The following FARP1 variants were observed in gnomAD, a reference collection of about 807,000 sequenced individuals.
The protein encoded by FARP1 is FERM, ARHGEF and pleckstrin domain-containing protein 1.
In FARP1, 52 loss-of-function variants were observed where a neutral mutation model predicts 128.8. That is an observed-to-expected ratio of 0.40 (90% CI 0.32 to 0.51). The LOEUF is 0.51. Among genes scored for constraint, FARP1 ranks in the 20% least tolerant of loss-of-function variants. FARP1 has a pLI of 0.45. For missense variants in FARP1, 1,333 were observed against 1,367.9 expected (o/e 0.97, Z 0.40); for synonymous variants, 580 against 551.8 (o/e 1.05, Z -0.72).
chr13:98,312,585 T>C (rs888017660), intron 2 of FARP1, among the ~76,000 whole-genome samples: 2 of 151,228 alleles, frequency 1.3e-5, no homozygotes, highest in Non-Finnish European at 2.9e-5. Context: ...TCATAATGCT[T>C]CCCCCCCCAC....
At chr13:98,226,199 G>A (rs1313582146) in intron 2 of FARP1, among the ~76,000 whole-genome samples, 3 of 152,232 alleles carry the variant, frequency 2.0e-5, no homozygotes, top group African/African-American at 7.2e-5. Flanking sequence ...TCCAAGGGTT[G>A]TGAGGAAAAG....
chr13:98,277,790 A>G (rs765453888), intron 2 of FARP1, among the ~76,000 whole-genome samples: 8 of 152,224 alleles, frequency 5.3e-5, no homozygotes, highest in Non-Finnish European at 1.2e-4. Flanking sequence ...CCAGCTGCCT[A>G]TTAGAATCAT....
chr13:98,409,226 A>G (rs1566299218), intron 13 of FARP1, 112 bp from the exon 14 acceptor site: 6 of 822,182 alleles, frequency 7.3e-6, no homozygotes, highest in Admixed American at 2.9e-5. Context: ...TAGGTTTGCC[A>G]TGGCGGGGTA....
At chr13:98,269,604 T>C (rs2139574695) in intron 2 of FARP1, among the ~76,000 whole-genome samples, 1 of 152,358 alleles carries the variant, frequency 6.6e-6, no homozygotes, top group South Asian at 2.1e-4. Context: ...CCAGAAACAC[T>C]GAACCTTGTC....
chr13:98,218,609 G>T (rs912182213), intron 2 of FARP1, among the ~76,000 whole-genome samples: 1 of 152,168 alleles, frequency 6.6e-6, no homozygotes, highest in African/African-American at 2.4e-5. Flanking sequence ...TGGGTACCGT[G>T]TGTCTACTGT....
intron 2 of FARP1, among the ~76,000 whole-genome samples, chr13:98,274,112 C>A (rs1310200016): frequency 2.0e-5 from 3 of 152,130 alleles, no homozygotes; most frequent in Admixed American, 6.6e-5. Context: ...CTTTTTTAAT[C>A]TAGGATTGCT....
At chr13:98,428,153 A>T (rs1891859048) in intron 17 of FARP1, among the ~76,000 whole-genome samples, 1 of 150,948 alleles carries the variant, frequency 6.6e-6, no homozygotes, top group African/African-American at 2.4e-5. Context: ...CACACAACCA[A>T]GGGAGGGTAG....
chr13:98,358,836 A>G (rs1159423581), intron 3 of FARP1, among the ~76,000 whole-genome samples: 3 of 151,946 alleles, frequency 2.0e-5, no homozygotes, highest in Non-Finnish European at 4.4e-5. Context: ...ACGGGGTTTC[A>G]CCATGTTAGC....
chr13:98,144,727 G>A (rs113750156), intron 1 of FARP1, among the ~76,000 whole-genome samples: 1 of 152,220 alleles, frequency 6.6e-6, no homozygotes, highest in Non-Finnish European at 1.5e-5. Context: ...AACAAGGAGA[G>A]GAGAAAGAAA....
At chr13:98,276,332 C>A (rs1379541827) in intron 2 of FARP1, among the ~76,000 whole-genome samples, 1 of 152,140 alleles carries the variant, frequency 6.6e-6, no homozygotes, top group Admixed American at 6.5e-5. Context: ...TTATATATAA[C>A]CAATGAGACA....
At chr13:98,159,505 C>G (rs1876724509) in intron 1 of FARP1, 1 of 139,754 alleles carries the variant, frequency 7.2e-6, no homozygotes, top group Non-Finnish European at 1.5e-5. Flanking sequence ...GAGTCTTGCT[C>G]TTGTTGCCCA....
chr13:98,191,279 C>T (rs1162327001), intron 1 of FARP1, among the ~76,000 whole-genome samples: 3 of 152,200 alleles, frequency 2.0e-5, no homozygotes, highest in Non-Finnish European at 4.4e-5. Context: ...CCTTGGGAGT[C>T]TCGGACTGGG....
At chr13:98,245,308 A>G (rs1882996811) in intron 2 of FARP1, 1 of 985,406 alleles carries the variant, frequency 1.0e-6, no homozygotes, top group Non-Finnish European at 1.2e-6. Flanking sequence ...ACTTTAATAC[A>G]TGTTTGTCTT....
chr13:98,285,070 G>A (rs1428767364), intron 2 of FARP1, among the ~76,000 whole-genome samples: 2 of 152,132 alleles, frequency 1.3e-5, no homozygotes, highest in Non-Finnish European at 2.9e-5. Flanking sequence ...AAAGGTGCGA[G>A]TATTATTATT....
At chr13:98,278,376 G>A (rs2139612121) in intron 2 of FARP1, among the ~76,000 whole-genome samples, 1 of 152,112 alleles carries the variant, frequency 6.6e-6, no homozygotes, top group East Asian at 1.9e-4. Context: ...TTAAGTGCGT[G>A]TTTGTGTGCA....
chr13:98,390,758 T>C, intron 10 of FARP1, 54 bp from the exon 11 acceptor site: 1 of 1,329,012 alleles, frequency 7.5e-7, no homozygotes, highest in Non-Finnish European at 1.1e-6. Flanking sequence ...TTTGTGTGTT[T>C]AAATGAGAAT....
intron 5 of FARP1, among the ~76,000 whole-genome samples, chr13:98,371,979 T>C (rs1594456650): frequency 6.6e-6 from 1 of 152,246 alleles, no homozygotes; most frequent in East Asian, 1.9e-4. Flanking sequence ...GCCATCCTAT[T>C]GACAGCAGCA....
At chr13:98,436,560 A>G (rs1051712514) in intron 19 of FARP1, among the ~76,000 whole-genome samples, 3 of 152,168 alleles carry the variant, frequency 2.0e-5, no homozygotes, top group Admixed American at 1.3e-4. Context: ...TTTTTCCAAC[A>G]AGCAGCTGCC....
At chr13:98,203,952 G>A (rs193220928) in intron 1 of FARP1, 1 of 152,146 alleles carries the variant, frequency 6.6e-6, no homozygotes, top group East Asian at 1.9e-4. Context: ...GTCCTAGCAG[G>A]GGGGAGCACA....
Sources: gnomAD v4.1 joint callset for allele counts (sites outside exome capture counted in the v4.1 genomes callset) on GRCh38, gnomAD v4.1.1 for gene constraint, MANE v1.5 for transcripts, NCBI Gene and HGNC (gene_info 2026-07-23, HGNC 2026-07-21) for gene names.